Variants in MPPED2 observed in about 807,000 individuals in gnomAD.
MPPED2 encodes the protein metallophosphoesterase domain containing 2.
Under a neutral mutation model 33.0 loss-of-function variants are expected in MPPED2, and 5 were observed. The observed-to-expected ratio is 0.15, with a 90% CI of 0.08 to 0.32. MPPED2 has a LOEUF of 0.32. Among genes scored for constraint, MPPED2 ranks in the 10% least tolerant of loss-of-function variants. The pLI is 1.00. For missense variants in MPPED2, 275 were observed against 372.1 expected (o/e 0.74, Z 2.15); for synonymous variants, 136 against 141.9 (o/e 0.96, Z 0.29).
intron 2 of MPPED2, among the ~76,000 whole-genome samples, chr11:30,570,119 G>C (rs747872480): frequency 2.0e-5 from 3 of 152,034 alleles, no homozygotes; most frequent in Non-Finnish European, 4.4e-5. Context: ...AAATAGCGTA[G>C]ACTGGGTAGC....
intron 4 of MPPED2, among the ~76,000 whole-genome samples, chr11:30,424,502 T>C (rs1948746670): frequency 1.3e-5 from 2 of 152,138 alleles, no homozygotes; most frequent in Non-Finnish European, 2.9e-5. Context: ...CACAGCGCCT[T>C]TCACATGCCA....
chr11:30,580,138 TC>T (rs1178255246), intron 2 of MPPED2, 107 bp downstream of exon 2: 8 of 1,100,076 alleles, frequency 7.3e-6, no homozygotes, highest in Non-Finnish European at 9.2e-6. Flanking sequence ...GATTTGTAAA[TC>T]ATTTACCTTT....
intron 6 of MPPED2, among the ~76,000 whole-genome samples, chr11:30,394,723 A>T (rs1717777): frequency 0.1 from 15,606 of 152,180 alleles, 824 homozygotes; most frequent in Middle Eastern, 0.17. Context: ...TTTTTTAAAT[A>T]GCATACTTCA....
chr11:30,448,675 C>A (rs1047149529), intron 4 of MPPED2, among the ~76,000 whole-genome samples: 3 of 151,776 alleles, frequency 2.0e-5, no homozygotes, highest in Admixed American at 6.6e-5. Context: ...GAGAAGCACT[C>A]CCCACTATTT....
chr11:30,416,641 G>C (rs1414266105), intron 5 of MPPED2, among the ~76,000 whole-genome samples: 1 of 152,120 alleles, frequency 6.6e-6, no homozygotes, highest in Non-Finnish European at 1.5e-5. Context: ...CATGTTATAT[G>C]TGTGTATGTG....
chr11:30,498,762 C>T (rs1414088786), intron 3 of MPPED2, among the ~76,000 whole-genome samples: 5 of 151,984 alleles, frequency 3.3e-5, no homozygotes, highest in African/African-American at 1.2e-4. Flanking sequence ...ATATAGCTTC[C>T]TTTTTTCTAT....
At chr11:30,398,742 GA>G (rs958061849) in intron 6 of MPPED2, among the ~76,000 whole-genome samples, 7 of 152,070 alleles carry the variant, frequency 4.6e-5, no homozygotes, top group African/African-American at 1.4e-4. Context: ...CTTAATATCA[GA>G]AAAAAACTCT....
At chr11:30,469,982 G>A (rs1469334949) in intron 4 of MPPED2, among the ~76,000 whole-genome samples, 3 of 152,068 alleles carry the variant, frequency 2.0e-5, no homozygotes, top group African/African-American at 4.8e-5. Context: ...CATGTCATTC[G>A]ACCAGCAATA....
chr11:30,577,444 G>T (rs961955406), intron 2 of MPPED2, among the ~76,000 whole-genome samples: 13 of 152,178 alleles, frequency 8.5e-5, no homozygotes, highest in African/African-American at 3.1e-4. Flanking sequence ...CAAAATAAAT[G>T]AGCAACTACG....
chr11:30,487,903 T>G (rs765088402), intron 4 of MPPED2, among the ~76,000 whole-genome samples: 9 of 152,084 alleles, frequency 5.9e-5, no homozygotes, highest in Non-Finnish European at 1.2e-4. Context: ...TGGCCTGGAT[T>G]TCTGTACACC....
chr11:30,477,218 G>A (rs1198061944), intron 4 of MPPED2, among the ~76,000 whole-genome samples: 3 of 151,394 alleles, frequency 2.0e-5, no homozygotes, highest in Admixed American at 2.0e-4. Flanking sequence ...TATTTCTTTT[G>A]TGTGTGTGTG....
At chr11:30,493,595 C>CAA (rs5790817) in intron 4 of MPPED2, among the ~76,000 whole-genome samples, 1 of 143,622 alleles carries the variant, frequency 7.0e-6, no homozygotes. Context: ...TATACACCCT[C>CAA]AAAAAAAAAA....
chr11:30,549,979 C>T (rs1424030182), intron 2 of MPPED2, among the ~76,000 whole-genome samples: 1 of 152,108 alleles, frequency 6.6e-6, no homozygotes, highest in Non-Finnish European at 1.5e-5. Flanking sequence ...TTCCCACTCC[C>T]ATATCAATTG....
chr11:30,518,036 A>C (rs1036079013), intron 3 of MPPED2, among the ~76,000 whole-genome samples: 1 of 152,188 alleles, frequency 6.6e-6, no homozygotes, highest in African/African-American at 2.4e-5. Context: ...TTTTAAAAAA[A>C]CAATTCCCAG....
intron 4 of MPPED2, among the ~76,000 whole-genome samples, chr11:30,432,168 C>CAAAAAA (rs34934978): frequency 7.0e-6 from 1 of 142,042 alleles, no homozygotes. Context: ...GATTCTGTCT[C>CAAAAAA]AAAAAAAAAA....
intron 4 of MPPED2, among the ~76,000 whole-genome samples, chr11:30,424,231 G>T (rs1437811828): frequency 6.6e-6 from 1 of 152,122 alleles, no homozygotes; most frequent in East Asian, 1.9e-4. Flanking sequence ...TTATAATAGG[G>T]GGTGAAGAGA....
intron 2 of MPPED2, among the ~76,000 whole-genome samples, chr11:30,547,654 G>A (rs144664924): frequency 6.6e-6 from 1 of 152,238 alleles, no homozygotes; most frequent in Admixed American, 6.5e-5. Context: ...AATAAATTAT[G>A]TCCAGTGGAG....
At chr11:30,418,866 T>G (rs1261272824) in intron 4 of MPPED2, among the ~76,000 whole-genome samples, 1 of 152,188 alleles carries the variant, frequency 6.6e-6, no homozygotes, top group African/African-American at 2.4e-5. Flanking sequence ...GTGGTGGACA[T>G]GTATAGTCAA....
At chr11:30,580,892 C>A (rs980839787) in intron 1 of MPPED2, among the ~76,000 whole-genome samples, 1 of 152,166 alleles carries the variant, frequency 6.6e-6, no homozygotes, top group East Asian at 1.9e-4. Context: ...GTTGGTGTCA[C>A]GTAATCATTT....
Sources: allele counts gnomAD v4.1 joint callset (sites outside exome capture counted in the v4.1 genomes callset), GRCh38; gene constraint gnomAD v4.1.1; transcripts MANE v1.5; gene names NCBI Gene and HGNC (gene_info 2026-07-23, HGNC 2026-07-21).